Variants in NPM1 observed in about 807,000 individuals in gnomAD.
The protein encoded by NPM1 is nucleophosmin.
A neutral mutation model predicts 44.1 loss-of-function variants in NPM1; 1 was observed. The ratio of observed to expected loss-of-function variants is 0.02; its 90% CI spans 0.01 to 0.11. The LOEUF is 0.11. Among genes scored for constraint, NPM1 ranks in the 10% least tolerant of loss-of-function variants. The pLI is 1.00. For synonymous variants in NPM1, 126 were observed against 111.8 expected (o/e 1.13, Z -0.80); for missense variants, 197 against 347.8 (o/e 0.57, Z 3.45).
intron 6 of NPM1, among the ~76,000 whole-genome samples, chr5:171,399,560 G>T (rs1399031031): frequency 6.6e-6 from 1 of 152,118 alleles, no homozygotes; most frequent in African/African-American, 2.4e-5. Context: ...TAAATTTTAG[G>T]ATCTGTTTCT....
At chr5:171,401,611 A>G (rs1424506162) in intron 8 of NPM1, among the ~76,000 whole-genome samples, 5 of 152,002 alleles carry the variant, frequency 3.3e-5, no homozygotes, top group Non-Finnish European at 4.4e-5. Flanking sequence ...GTATTTTTGT[A>G]TTTTTGAGTA....
chr5:171,397,608 C>G (rs1770974681), intron 6 of NPM1, among the ~76,000 whole-genome samples: 1 of 151,054 alleles, frequency 6.6e-6, no homozygotes, highest in Non-Finnish European at 1.5e-5. Flanking sequence ...CCATTTACTT[C>G]TCTTTGTCTT....
At chr5:171,408,766 A>T (rs1771688018) in intron 10 of NPM1, among the ~76,000 whole-genome samples, 1 of 152,222 alleles carries the variant, frequency 6.6e-6, no homozygotes, top group Admixed American at 6.5e-5. Flanking sequence ...CGCGTTATGC[A>T]ACTGTTTATT....
upstream of NPM1, chr5:171,387,504 G>T (rs1015804362): frequency 7.5e-5 from 15 of 201,280 alleles, no homozygotes; most frequent in African/African-American, 3.0e-4. Context: ...ATTTTGCAGG[G>T]TGGGCTGCGC....
At chr5:171,392,322 A>T (rs1022231138) in intron 4 of NPM1, among the ~76,000 whole-genome samples, 18 of 152,150 alleles carry the variant, frequency 1.2e-4, no homozygotes, top group African/African-American at 4.3e-4. Flanking sequence ...ATATCCTCGA[A>T]CTGCTACTGG....
chr5:171,405,625 G>T, intron 9 of NPM1: 1 of 524,548 alleles, frequency 1.9e-6, no homozygotes. Context: ...TTTCCATTAT[G>T]CAAGGAACGT....
intron 1 of NPM1, among the ~76,000 whole-genome samples, chr5:171,389,668 T>C: frequency 6.6e-6 from 1 of 152,208 alleles, no homozygotes. Flanking sequence ...CATTTCGAAA[T>C]TGCCATTTGG....
intron 6 of NPM1, among the ~76,000 whole-genome samples, chr5:171,399,694 T>TTA (rs10684218): frequency 6.6e-6 from 1 of 151,980 alleles, no homozygotes; most frequent in East Asian, 1.9e-4. Flanking sequence ...TTTTTTTTTT[T>TTA]AACACAAATT....
Position 171,407,831 on chromosome 5 carries a change from A to G in NPM1, c.846+57A>G. The G allele has an allele frequency of 2.8e-6, 3 of 1,069,440 alleles. No homozygotes were observed. The South Asian group carries it at 3.8e-5, about 14-fold the overall frequency. 66.2% of individuals were successfully genotyped at this position (1,069,440 alleles called of 1,614,324 possible). A position where few individuals can be genotyped will look rare whatever the true frequency, so the allele number is the denominator to read the frequency against. On this transcript the variant is annotated intron_variant, in intron 10 of 10. Transcript: ENST00000296930. ...CCAAGTTTTTTTGTGATTTATTATG[A>G]TTCTGCCTTTACCCTTTTTAAGTGT...
Position 171,393,859 on chromosome 5 carries a change from G to A in NPM1, c.524+881G>A, listed in dbSNP as rs116339174. Among the ~76,000 whole-genome samples, 1,218 of 152,216 alleles carry A rather than the reference G, an allele frequency of 8.0e-3. 10 individuals are homozygous for A. The highest frequency in any genetic ancestry group is 0.028 in the African/African-American group (1,158 of 41,548). ...TTAAAAATTCAAAGTATGACCAGGC[G>A]CAGTGGTTCACACCCGTAATCCTAA... On this transcript the variant is annotated intron_variant, in intron 6 of 10. Coordinates refer to ENST00000296930, the MANE Select transcript of NPM1 (RefSeq NM_002520.7).
upstream of NPM1, among the ~76,000 whole-genome samples, chr5:171,387,449 C>G (rs1291557704): frequency 6.6e-6 from 1 of 152,088 alleles, no homozygotes. Context: ...TCATTCGCAG[C>G]CGGCTAACCC....
chr5:171,407,875 TC>T, intron 10 of NPM1, 101 bp downstream of exon 10: 1 of 702,390 alleles, frequency 1.4e-6, no homozygotes, highest in Non-Finnish European at 2.5e-6. Context: ...TTTAAAAAGT[TC>T]CTAACCACAG....
rs1771576128 is a variant in NPM1, at chr5:171,406,484, A to T, written c.771+1081A>T. The T allele has an allele frequency of 1.9e-6, 3 of 1,603,534 alleles. No individual in the cohort carries two copies. In the East Asian group the frequency reaches 6.7e-5, roughly 36 times the overall value. On this transcript the variant is annotated intron_variant, in intron 9 of 10. Coordinates refer to ENST00000296930, the MANE Select transcript of NPM1 (RefSeq NM_002520.7). ...GGAGAGACAAATATAGTCCATACTG[A>T]GTGTCATCAACAATCCAGACTGAAG...
At chr5:171,406,318 A>C in intron 9 of NPM1, 1 of 1,289,226 alleles carries the variant, frequency 7.8e-7, no homozygotes, top group Admixed American at 1.7e-5. Flanking sequence ...TGTCCCTTGG[A>C]TACAATGCTA....
At chr5:171,389,890 C>G (rs527300650) in intron 1 of NPM1, among the ~76,000 whole-genome samples, 161 bp from the exon 2 acceptor site, 1 of 152,306 alleles carries the variant, frequency 6.6e-6, no homozygotes, top group African/African-American at 2.4e-5. Context: ...GTAGAGGTTT[C>G]TGTTCAAGAA....
At chr5:171,387,644 T>TAC, upstream of NPM1, 1 of 434,566 alleles carries the variant, frequency 2.3e-6, no homozygotes, top group Non-Finnish European at 4.1e-6. Context: ...GGGGCCAGTG[T>TAC]ACGAGTGCGC....
chr5:171,406,226 T>TG (rs1771558568), intron 9 of NPM1, among the ~76,000 whole-genome samples: 1 of 152,144 alleles, frequency 6.6e-6, no homozygotes, highest in Non-Finnish European at 1.5e-5. Flanking sequence ...ATAAGTCCAC[T>TG]GGAAAAAGAA....
chr5:171,401,522 C>T (rs893429949), intron 8 of NPM1, among the ~76,000 whole-genome samples: 5 of 152,118 alleles, frequency 3.3e-5, no homozygotes, highest in Admixed American at 3.3e-4. Flanking sequence ...CTGCAACCTT[C>T]ACTTCCCGGG....
chr5:171,408,506 T>G (rs1299098225), intron 10 of NPM1, among the ~76,000 whole-genome samples: 1 of 152,160 alleles, frequency 6.6e-6, no homozygotes, highest in Non-Finnish European at 1.5e-5. Context: ...TTTTCTGCCA[T>G]AGTATTTTGC....
Sources: gnomAD v4.1 joint callset for allele counts (sites outside exome capture counted in the v4.1 genomes callset) on GRCh38, gnomAD v4.1.1 for gene constraint, MANE v1.5 for transcripts, NCBI Gene and HGNC (gene_info 2026-07-23, HGNC 2026-07-21) for gene names.